The following EIF4B variants were observed in gnomAD, a reference collection of about 807,000 sequenced individuals.
The protein encoded by EIF4B is eukaryotic translation initiation factor 4B.
EIF4B carries 8 observed loss-of-function variants against 79.3 expected under a neutral mutation model. That is an observed-to-expected ratio of 0.10 (90% confidence interval 0.06 to 0.18). The LOEUF is 0.18. Among genes scored for constraint, EIF4B ranks in the 10% least tolerant of loss-of-function variants. EIF4B has a pLI of 1.00. For synonymous variants in EIF4B, 238 were observed against 274.7 expected (o/e 0.87, Z 1.32); for missense variants, 515 against 792.4 (o/e 0.65, Z 4.20).
At chr12:53,024,800 T>C (rs1592221099) in intron 6 of EIF4B, among the ~76,000 whole-genome samples, 2 of 152,224 alleles carry the variant, frequency 1.3e-5, no homozygotes, top group East Asian at 3.9e-4. Flanking sequence ...GGATTACAGA[T>C]GCGCACCACC....
Position 53,027,932 on chromosome 12 carries a change from C to T in EIF4B, c.805+13C>T, listed in dbSNP as rs1006558311. On this transcript the variant is annotated intron_variant, in intron 7 of 14. Coordinates refer to ENST00000262056, the MANE Select transcript of EIF4B (RefSeq NM_001417.7). ...GACTATGATAGAGGTAATTGTAAAA[C>T]ATGTCGAATTGCTCTTTCAGTAACT... 1.1e-5 allele frequency: 18 copies of T among 1,611,408 alleles called. No individual in the cohort carries two copies. In the Admixed American group the frequency reaches 2.9e-4, roughly 26 times the overall value.
intron 1 of EIF4B, among the ~76,000 whole-genome samples, chr12:53,007,611 A>T (rs1942991149): frequency 6.6e-6 from 1 of 152,088 alleles, no homozygotes; most frequent in Non-Finnish European, 1.5e-5. Flanking sequence ...AACATCTTGT[A>T]GCATTGATTT....
At chr12:53,006,862 G>A (rs1375479326) in intron 1 of EIF4B, among the ~76,000 whole-genome samples, 1 of 151,676 alleles carries the variant, frequency 6.6e-6, no homozygotes, top group Non-Finnish European at 1.5e-5. Context: ...GGAAGGAGGC[G>A]GTTGCTGCGC....
chr12:53,021,889 G>A, intron 5 of EIF4B, 29 bp downstream of exon 5: 1 of 1,613,940 alleles, frequency 6.2e-7, no homozygotes, highest in East Asian at 2.2e-5. Context: ...ATTTCTGTTT[G>A]GTAATGGTCC....
At chr12:53,032,936 G>A (rs138999914) in intron 8 of EIF4B, among the ~76,000 whole-genome samples, 3,168 of 151,656 alleles carry the variant, frequency 0.021, 71 homozygotes, top group Non-Finnish European at 0.037. Flanking sequence ...CCCCCAAAGT[G>A]CTGGGATTAC....
At chr12:53,022,725 T>A (rs1471784623) in intron 6 of EIF4B, 98 bp downstream of exon 6, 2 of 1,393,270 alleles carry the variant, frequency 1.4e-6, no homozygotes, top group South Asian at 3.6e-5. Context: ...CATTAACAGA[T>A]AGAAGGAGGA....
intron 3 of EIF4B, among the ~76,000 whole-genome samples, chr12:53,019,435 A>ATTTTTTTTT (rs759250282): frequency 2.0e-4 from 8 of 39,462 alleles, no homozygotes; most frequent in Non-Finnish European, 4.3e-4. Flanking sequence ...ATATATATAT[A>ATTTTTTTTT]TATTTTTTTT....
chr12:53,019,512 A>G (rs1468175026), intron 3 of EIF4B, among the ~76,000 whole-genome samples: 2 of 113,390 alleles, frequency 1.8e-5, no homozygotes, highest in Non-Finnish European at 3.4e-5. Context: ...GCTGGAGTAC[A>G]GTGGATTACA....
At chr12:53,013,340 C>G (rs910018277) in intron 1 of EIF4B, among the ~76,000 whole-genome samples, 1 of 152,102 alleles carries the variant, frequency 6.6e-6, no homozygotes, top group Non-Finnish European at 1.5e-5. Context: ...TAGATTAAGC[C>G]CCATGAGGGT....
chr12:53,027,659 T>A, intron 6 of EIF4B, 123 bp from the exon 7 acceptor site: 1 of 1,437,190 alleles, frequency 7.0e-7, no homozygotes, highest in Non-Finnish European at 9.2e-7. Flanking sequence ...AGGGAAACTT[T>A]TTGAAGAAAT....
intron 1 of EIF4B, among the ~76,000 whole-genome samples, chr12:53,012,853 G>A (rs924894914): frequency 7.9e-5 from 12 of 151,980 alleles, no homozygotes; most frequent in Admixed American, 3.9e-4. Flanking sequence ...TGATCCACCC[G>A]CCTCGGCCTC....
In EIF4B at chr12:53,021,493, T is replaced by C. The variant is rs7307098; in HGVS notation, c.478-313T>C. 5.7e-3 allele frequency among the ~76,000 whole-genome samples: 870 copies of C among 152,352 alleles called. 10 individuals are homozygous for C. Among genetic ancestry groups the C allele is most frequent in the African/African-American group, 0.02 (830 of 41,588 alleles). On this transcript the variant is annotated intron_variant, in intron 4 of 14. Transcript: ENST00000262056. ...AATATGCCTTTTATTCAGCTAGTTA[T>C]GTGAGAATTATTTTTAATTTACTAC...
intron 1 of EIF4B, among the ~76,000 whole-genome samples, chr12:53,011,190 C>T (rs1401172918): frequency 1.3e-5 from 2 of 152,020 alleles, no homozygotes; most frequent in Non-Finnish European, 2.9e-5. Context: ...TTGCTTAAGC[C>T]CTGGAGGTCA....
At position 53,016,948 on chromosome 12, in the gene EIF4B, G is replaced by A. The variant is rs77463309; in HGVS notation, c.151+338G>A. Among the ~76,000 whole-genome samples the A allele has an allele frequency of 5.7e-3, 867 of 151,994 alleles. 10 individuals carry two copies. Among genetic ancestry groups the A allele is most frequent in the African/African-American group, 0.02 (827 of 41,456 alleles). ...TCCTTTTAGGTCTAAAATTCTATGG[G>A]GTCCTCATAAAGTGATGTTTCAGGC... On this transcript the variant is annotated intron_variant, in intron 2 of 14. Transcript: ENST00000262056.
Position 53,024,859 on chromosome 12 carries a change from G to GTT in EIF4B, c.667+2233_667+2234dup, listed in dbSNP as rs1251051054. On this transcript the variant is annotated intron_variant, in intron 6 of 14. Transcript: ENST00000262056. Reference sequence around the variant, plus strand: ...TTTAGTAGAGATGGGGTTTCACCACGTTGGCCAGCTGGTCTCTAACTCCTT... The same window carrying GTT: ...TTTAGTAGAGATGGGGTTTCACCACGTTTTGGCCAGCTGGTCTCTAACTCCTT... 1.3e-3 allele frequency among the ~76,000 whole-genome samples: 198 copies of GTT among 152,192 alleles called. 3 individuals carry two copies. Among genetic ancestry groups the GTT allele is most frequent in the Non-Finnish European group, 2.4e-4 (16 of 68,020 alleles).
At chr12:53,040,069 C>G (rs1457589143) in intron 14 of EIF4B, 74 bp from the exon 15 acceptor site, 2 of 1,538,734 alleles carry the variant, frequency 1.3e-6, no homozygotes, top group African/African-American at 2.7e-5. Context: ...GCCAAAGGAT[C>G]AGTATCCTGT....
At chr12:53,006,528 G>A in intron 1 of EIF4B, 32 bp downstream of exon 1, 2 of 1,613,418 alleles carry the variant, frequency 1.2e-6, no homozygotes, top group Non-Finnish European at 1.7e-6. Flanking sequence ...GCCAAGGACT[G>A]GGCTCTGAAA....
chr12:53,019,040 T>C (rs377311277), intron 3 of EIF4B, 34 bp downstream of exon 3: 4 of 1,601,276 alleles, frequency 2.5e-6, no homozygotes, highest in Middle Eastern at 1.6e-4. Context: ...TAACTAGATA[T>C]TGAGGATAAT....
intron 1 of EIF4B, among the ~76,000 whole-genome samples, chr12:53,015,102 T>C (rs551442371): frequency 2.6e-5 from 4 of 152,080 alleles, no homozygotes; most frequent in African/African-American, 7.3e-5. Flanking sequence ...AGTGTTGTTA[T>C]AGTAGAGGAG....
Sources: allele counts gnomAD v4.1 joint callset (sites outside exome capture counted in the v4.1 genomes callset), GRCh38; gene constraint gnomAD v4.1.1; transcripts MANE v1.5; gene names NCBI Gene and HGNC (gene_info 2026-07-23, HGNC 2026-07-21).